Variants in NME7 observed in about 807,000 individuals in gnomAD.
The protein encoded by NME7 is NME/NM23 family member 7, also known as nucleoside diphosphate kinase 7.
NME7 carries 41 observed loss-of-function variants against 49.1 expected under a neutral mutation model. The observed-to-expected ratio is 0.83, with a 90% CI of 0.65 to 1.08. The LOEUF (loss-of-function observed/expected upper bound fraction) is 1.08. Among genes scored for constraint, NME7 ranks in the 50% least tolerant of loss-of-function variants. The pLI is 0.00. For missense variants in NME7, 423 were observed against 463.4 expected (o/e 0.91, Z 0.80); for synonymous variants, 139 against 150.6 (o/e 0.92, Z 0.56).
chr1:169,196,291 A>G (rs1442574496), intron 10 of NME7, among the ~76,000 whole-genome samples: 1 of 152,200 alleles, frequency 6.6e-6, no homozygotes, highest in Non-Finnish European at 1.5e-5. Flanking sequence ...TCTTTTGACC[A>G]TGTAGCAGCA....
intron 10 of NME7, among the ~76,000 whole-genome samples, chr1:169,188,016 G>T (rs758364063): frequency 2.0e-5 from 3 of 152,140 alleles, no homozygotes; most frequent in Non-Finnish European, 4.4e-5. Context: ...AGCTTAGTTT[G>T]GCTGGATATG....
chr1:169,332,381 G>C (rs922406878), intron 1 of NME7, among the ~76,000 whole-genome samples: 1 of 152,044 alleles, frequency 6.6e-6, no homozygotes, highest in Non-Finnish European at 1.5e-5. Flanking sequence ...AAGAAAACAT[G>C]GGAGAAAATC....
Position 169,230,774 on chromosome 1 carries a change from T to C in NME7, c.934A>G (p.Ile312Val), listed in dbSNP as rs1647577728. The C allele has an allele frequency of 1.9e-6, 3 of 1,607,942 alleles. No homozygotes were observed. The highest frequency in any genetic ancestry group is 4.5e-5 in the East Asian group (2 of 44,542). Residue 312 changes from isoleucine (I) to valine (V), a missense_variant, in exon 10 of 12, where the codon ATT (isoleucine) becomes GTT (valine). Physicochemically the swap from Ile to Val is conservative, Grantham distance 29. Transcript: ENST00000367811. Reference protein sequence around the residue: ...MYSGPCVAMEIQQNNATKTFR... With the variant: ...MYSGPCVAMEVQQNNATKTFR... ...GTCTTTGTAGCATTATTCTGTTGAA[T>C]CTCCATTGCTACACAAGGGCCAGAA...
chr1:169,234,833 A>C (rs972912140), intron 9 of NME7, among the ~76,000 whole-genome samples: 1 of 152,108 alleles, frequency 6.6e-6, no homozygotes, highest in Non-Finnish European at 1.5e-5. Flanking sequence ...GAAATAACTG[A>C]CTGGTTAACA....
intron 11 of NME7, among the ~76,000 whole-genome samples, chr1:169,148,366 T>C (rs906605841): frequency 5.9e-5 from 9 of 152,188 alleles, no homozygotes; most frequent in East Asian, 1.9e-4. Context: ...CTTGAAAACA[T>C]TGAGCCTAAT....
chr1:169,355,714 G>A (rs904004078), intron 1 of NME7, among the ~76,000 whole-genome samples: 2 of 151,930 alleles, frequency 1.3e-5, no homozygotes, highest in African/African-American at 4.8e-5. Flanking sequence ...GCAATGTAAG[G>A]AGGCTTCTCT....
chr1:169,196,742 C>G (rs2101771413), intron 10 of NME7, among the ~76,000 whole-genome samples: 1 of 152,276 alleles, frequency 6.6e-6, no homozygotes, highest in South Asian at 2.1e-4. Flanking sequence ...AATCACTCAG[C>G]TAGTGAGTGC....
chr1:169,268,825 A>G (rs1051531356), intron 7 of NME7, among the ~76,000 whole-genome samples: 1 of 133,096 alleles, frequency 7.5e-6, no homozygotes. Flanking sequence ...TGGAAGAAAA[A>G]AAATACCTAC....
Position 169,256,530 on chromosome 1 carries a change from T to C in NME7, c.755-18843A>G, listed in dbSNP as rs1340895804. Among the ~76,000 whole-genome samples the C allele has an allele frequency of 1.5e-5, 2 of 133,052 alleles. 1 individual carries two copies. Among genetic ancestry groups the C allele is most frequent in the African/African-American group, 5.1e-5 (2 of 39,082 alleles). The allele number at this position is 133,052 out of a possible 152,430, so 87.3% of individuals were successfully genotyped here. On this transcript the variant is annotated intron_variant, in intron 7 of 11. Transcript: ENST00000367811. Reference sequence around the variant, plus strand: ...TTGAATGCCCTCCAGTAGCTCAGAGTAATTTGATCGTCTGAAGCCTTCTTC... The same window carrying C: ...TTGAATGCCCTCCAGTAGCTCAGAGCAATTTGATCGTCTGAAGCCTTCTTC...
chr1:169,253,872 T>A (rs1648763220), intron 7 of NME7, among the ~76,000 whole-genome samples: 1 of 150,998 alleles, frequency 6.6e-6, no homozygotes, highest in Non-Finnish European at 1.5e-5. Context: ...CATTTATTGA[T>A]TTGTGTATAT....
rs140285315 is a variant in NME7 at position 169,310,099 on chromosome 1, T to G, written c.279-19A>C. The G allele has an allele frequency of 4.8e-6, 7 of 1,460,750 alleles. No homozygotes were observed. Among genetic ancestry groups the G allele is most frequent in the Non-Finnish European group, 6.6e-6 (7 of 1,060,186 alleles). The allele number at this position is 1,460,750 out of a possible 1,614,324, so 90.5% of individuals were successfully genotyped here. A position where few individuals can be genotyped will look rare whatever the true frequency, so the allele number is the denominator to read the frequency against. On this transcript the variant is annotated intron_variant, in intron 3 of 11. Coordinates refer to ENST00000367811, the MANE Select transcript of NME7 (RefSeq NM_013330.5). ...TAGCGTTCTATAAGGAAACAAAAAA[T>G]AAGTTTGCAAATAAAAATAGTTCAA...
chr1:169,270,371 A>C (rs1374642428), intron 7 of NME7, among the ~76,000 whole-genome samples: 1 of 133,972 alleles, frequency 7.5e-6, no homozygotes, highest in African/African-American at 2.5e-5. Context: ...AGTGTCAACC[A>C]TAATAGGCAA....
At chr1:169,323,826 C>A (rs1438837843) in intron 2 of NME7, among the ~76,000 whole-genome samples, 1 of 148,552 alleles carries the variant, frequency 6.7e-6, no homozygotes, top group Non-Finnish European at 1.5e-5. Flanking sequence ...TGAATAATCC[C>A]ATTTCAGTCT....
At chr1:169,288,297 T>A (rs1246801661) in intron 6 of NME7, among the ~76,000 whole-genome samples, 4 of 152,166 alleles carry the variant, frequency 2.6e-5, no homozygotes, top group African/African-American at 9.7e-5. Context: ...TAAAACAATG[T>A]CTGGCTCAAT....
chr1:169,309,846 TA>T, intron 4 of NME7, 123 bp downstream of exon 4: 1 of 603,318 alleles, frequency 1.7e-6, no homozygotes, highest in South Asian at 2.3e-5. Flanking sequence ...TTGGTTAAGT[TA>T]CTATTCTATT....
intron 9 of NME7, among the ~76,000 whole-genome samples, chr1:169,231,730 C>T (rs1280645775): frequency 6.6e-6 from 1 of 151,438 alleles, no homozygotes; most frequent in Admixed American, 6.6e-5. Context: ...TATGGAGCAT[C>T]AAGGAGAGTC....
chr1:169,191,946 G>T (rs1320840431), intron 10 of NME7, among the ~76,000 whole-genome samples: 2 of 152,076 alleles, frequency 1.3e-5, no homozygotes, highest in African/African-American at 4.8e-5. Context: ...CATAAATGTA[G>T]AATCTCAGGC....
At chr1:169,153,108 C>T (rs980182346) in intron 11 of NME7, among the ~76,000 whole-genome samples, 6 of 152,218 alleles carry the variant, frequency 3.9e-5, no homozygotes, top group Admixed American at 6.5e-5. Context: ...AATTTCAGCT[C>T]TCTGCCACTC....
intron 11 of NME7, among the ~76,000 whole-genome samples, chr1:169,142,084 T>G (rs1360613560): frequency 6.6e-6 from 1 of 152,234 alleles, no homozygotes; most frequent in Non-Finnish European, 1.5e-5. Context: ...TCAGACCACC[T>G]GACTCCAGAG....
Sources: gnomAD v4.1 joint callset for allele counts (sites outside exome capture counted in the v4.1 genomes callset) on GRCh38, gnomAD v4.1.1 for gene constraint, MANE v1.5 for transcripts, NCBI Gene and HGNC (gene_info 2026-07-23, HGNC 2026-07-21) for gene names.